SIPA1L3: variants seen among roughly 807,000 people sequenced by gnomAD.
The protein encoded by SIPA1L3 is signal-induced proliferation-associated 1-like protein 3.
In SIPA1L3, 59 loss-of-function variants were observed where a neutral mutation model predicts 150.1. The ratio of observed to expected loss-of-function variants is 0.39; its 90% CI spans 0.32 to 0.49. The LOEUF (loss-of-function observed/expected upper bound fraction) is 0.49, where lower values mean the gene tolerates loss of function less well. SIPA1L3 is among the 20% of genes least tolerant of loss of function. The pLI is 0.86. For missense variants in SIPA1L3, 2,211 were observed against 2,489.5 expected, an observed-to-expected ratio of 0.89 and a Z score of 2.38; for synonymous variants, 1,070 against 1,077.6, an observed-to-expected ratio of 0.99 and a Z score of 0.14.
chr19:37,948,090 C>T (rs373183743), intron 1 of SIPA1L3, among the ~76,000 whole-genome samples: 7 of 152,198 alleles, frequency 4.6e-5, no homozygotes, highest in Non-Finnish European at 1.0e-4. Context: ...ACTTAGGCAG[C>T]GGAAGTGTCA....
At chr19:37,933,312 C>T (rs551857870) in intron 1 of SIPA1L3, among the ~76,000 whole-genome samples, 1 of 152,070 alleles carries the variant, frequency 6.6e-6, no homozygotes, top group Non-Finnish European at 1.5e-5. Flanking sequence ...CCGCCTCCCT[C>T]CCTCCTTCCC....
At chr19:38,001,656 G>C (rs943951082) in intron 1 of SIPA1L3, among the ~76,000 whole-genome samples, 1 of 152,164 alleles carries the variant, frequency 6.6e-6, no homozygotes, top group Non-Finnish European at 1.5e-5. Context: ...CAAATTCCTG[G>C]GCTCAAAGCA....
At chr19:37,986,552 G>A (rs1482771905) in intron 1 of SIPA1L3, among the ~76,000 whole-genome samples, 1 of 152,208 alleles carries the variant, frequency 6.6e-6, no homozygotes, top group African/African-American at 2.4e-5. Context: ...TTGTCAGGAT[G>A]TTTGTCGCCA....
At chr19:38,195,357 T>A (rs942914789) in intron 18 of SIPA1L3, among the ~76,000 whole-genome samples, 7 of 152,184 alleles carry the variant, frequency 4.6e-5, no homozygotes, top group African/African-American at 1.7e-4. Flanking sequence ...ACTCCAGAGC[T>A]TCTGGGCCCT....
At chr19:38,153,221 A>G (rs1161862107) in intron 13 of SIPA1L3, among the ~76,000 whole-genome samples, 1 of 152,240 alleles carries the variant, frequency 6.6e-6, no homozygotes, top group Admixed American at 6.5e-5. Context: ...GCCGGCGTGC[A>G]GCTGTGTGAC....
chr19:37,924,390 GA>G (rs1178403802), intron 1 of SIPA1L3, among the ~76,000 whole-genome samples: 1 of 148,918 alleles, frequency 6.7e-6, no homozygotes, highest in Non-Finnish European at 1.5e-5. Flanking sequence ...TCTCCTGAAG[GA>G]CCTGCCTGAG....
intron 12 of SIPA1L3, among the ~76,000 whole-genome samples, chr19:38,150,013 C>T (rs1971782863): frequency 6.6e-6 from 1 of 152,164 alleles, no homozygotes; most frequent in Admixed American, 6.5e-5. Flanking sequence ...CGAACTCCAG[C>T]AAGGATGGAG....
chr19:37,929,203 G>A (rs1268375727), intron 1 of SIPA1L3, among the ~76,000 whole-genome samples: 4 of 152,224 alleles, frequency 2.6e-5, no homozygotes, highest in African/African-American at 4.8e-5. Context: ...TGGGGCTGGG[G>A]CTGGAGCCGG....
rs548806067 is a variant in SIPA1L3, at chr19:38,197,787, C to T, written c.4841-602C>T. ...CAGAATCTGCCCCTGTGTCCTATCA[C>T]GGCCCCACCCTGGTCCTGCCCAGCA... is the stretch of plus-strand genomic sequence containing the variant. On this transcript the variant is annotated intron_variant, in intron 18 of 21. Coordinates refer to ENST00000222345, the MANE Select transcript of SIPA1L3 (RefSeq NM_015073.3). Among the ~76,000 whole-genome samples, 99 of 152,044 alleles carry T rather than the reference C, an allele frequency of 6.5e-4. 1 individual carries two copies. Among genetic ancestry groups the T allele is most frequent in the Admixed American group, 1.0e-3 (16 of 15,266 alleles).
chr19:37,961,562 G>A (rs560562172), intron 1 of SIPA1L3, among the ~76,000 whole-genome samples: 18 of 152,226 alleles, frequency 1.2e-4, no homozygotes, highest in African/African-American at 4.1e-4. Context: ...AAAACAACAC[G>A]AAAACCAATT....
Position 38,106,582 on chromosome 19 carries a change from A to G in SIPA1L3, c.2075A>G (p.Tyr692Cys). Residue 692 changes from tyrosine (Y) to cysteine (C), a missense_variant, in exon 7 of 22, where the codon TAC becomes TGC. Transcript: ENST00000222345. The part of the protein sequence containing the change: ...THSLYTMYQD[Y>C]EIMFHVSTLL... ...TCCCTCTACACGATGTACCAGGACT[A>G]CGAGATCATGTTCCATGTCTCCACC... 1.2e-6 allele frequency: 2 copies of G among 1,614,108 alleles called. No homozygotes were observed. Among genetic ancestry groups the G allele is most frequent in the South Asian group, 1.1e-5 (1 of 91,082 alleles).
chr19:38,082,612 G>A lies in SIPA1L3; in HGVS notation c.1047G>A (p.Leu349=). 1 of 1,604,558 alleles carries A rather than the reference G, an allele frequency of 6.2e-7. No homozygotes were observed. Among genetic ancestry groups the A allele is most frequent in the Non-Finnish European group, 8.5e-7 (1 of 1,179,770 alleles). ...SFAHFDVQSM[L]FDLNEAAANR... ...CCCACTTCGACGTGCAGAGCATGCT[G>A]TTCGACCTCAACGAGGCGGCCGCCA... The change falls in exon 3 of 22, where the codon CTG becomes CTA. Residue 349 remains leucine, a synonymous_variant. Coordinates refer to ENST00000222345, the MANE Select transcript of SIPA1L3 (RefSeq NM_015073.3).
At chr19:37,933,974 G>A (rs1373541182) in intron 1 of SIPA1L3, among the ~76,000 whole-genome samples, 1 of 152,200 alleles carries the variant, frequency 6.6e-6, no homozygotes, top group African/African-American at 2.4e-5. Flanking sequence ...GCCAGGGAGT[G>A]CCTGGGAAGT....
At chr19:38,125,439 G>A (rs1255936048) in intron 9 of SIPA1L3, among the ~76,000 whole-genome samples, 1 of 152,108 alleles carries the variant, frequency 6.6e-6, no homozygotes, top group Non-Finnish European at 1.5e-5. Context: ...CAGGTGACAT[G>A]TTTTACCCAC....
rs1568518579 is a variant in SIPA1L3 at position 38,046,075 on chromosome 19, C to G, written c.-311+16919C>G. On this transcript the variant is annotated intron_variant, in intron 2 of 21. Coordinates refer to ENST00000222345, the MANE Select transcript of SIPA1L3 (RefSeq NM_015073.3). This position sits in a 1 kb window ranked among gnomAD's most constrained non-coding sequence, Gnocchi z 5.6. ...ACGTCAGAGACTCCAGAGCCGCCTC[C>G]ACCACTGTGATTCCTTGAAGCTTTT... Among the ~76,000 whole-genome samples, 1 of 152,190 alleles carries G rather than the reference C, an allele frequency of 6.6e-6. No individual in the cohort carries two copies. The highest frequency in any genetic ancestry group is 1.5e-5 in the Non-Finnish European group (1 of 68,038).
intron 1 of SIPA1L3, among the ~76,000 whole-genome samples, chr19:37,930,736 G>A (rs747381494): frequency 5.3e-5 from 8 of 152,198 alleles, no homozygotes; most frequent in East Asian, 1.9e-4. Flanking sequence ...CTTAGTTTCC[G>A]TATCTGTAAG....
chr19:38,194,849 G>T (rs192571934), intron 18 of SIPA1L3, among the ~76,000 whole-genome samples: 314 of 152,274 alleles, frequency 2.1e-3, no homozygotes, highest in African/African-American at 7.2e-3. Context: ...TCAGGAGTTC[G>T]AGACCAGCCT....
chr19:38,045,633 T>G (rs1448889394), intron 2 of SIPA1L3, among the ~76,000 whole-genome samples: 2 of 149,920 alleles, frequency 1.3e-5, no homozygotes, highest in Admixed American at 1.3e-4. Flanking sequence ...AGGAAGGAGG[T>G]GGGGGTCTTA....
At chr19:37,976,969 G>T (rs1465516080) in intron 1 of SIPA1L3, among the ~76,000 whole-genome samples, 1 of 151,982 alleles carries the variant, frequency 6.6e-6, no homozygotes, top group Non-Finnish European at 1.5e-5. Flanking sequence ...TGAGTAGCTG[G>T]GACTATAGGC....
Sources: gnomAD v4.1 joint callset for allele counts (sites outside exome capture counted in the v4.1 genomes callset) on GRCh38, gnomAD v4.1.1 for gene constraint, Gnocchi (gnomAD v3.1) non-coding constraint, MANE v1.5 for transcripts, NCBI Gene and HGNC (gene_info 2026-07-23, HGNC 2026-07-21) for gene names.